TTC17: variants seen among roughly 807,000 people sequenced by gnomAD.
The protein encoded by TTC17 is tetratricopeptide repeat domain 17.
TTC17 carries 58 observed loss-of-function variants against 143.8 expected under a neutral mutation model. The ratio of observed to expected loss-of-function variants is 0.40; its 90% CI spans 0.33 to 0.50. The LOEUF is 0.50. Ranked by LOEUF, TTC17 falls within the 20% of genes least tolerant of loss-of-function variation. The pLI, the probability that TTC17 is intolerant of heterozygous loss-of-function variation, is 0.49. For missense variants in TTC17, 1,273 were observed against 1,392.5 expected, an observed-to-expected ratio of 0.91 and a Z score of 1.37; for synonymous variants, 501 against 497.8, an observed-to-expected ratio of 1.01 and a Z score of -0.09.
chr11:43,385,614 C>T (rs2134504577), intron 2 of TTC17: 1 of 151,008 alleles, frequency 6.6e-6, no homozygotes, highest in East Asian at 2.0e-4. Context: ...CAGTAACTCA[C>T]ATTTGTAATC....
intron 1 of TTC17, among the ~76,000 whole-genome samples, chr11:43,367,449 T>C (rs1014811054): frequency 2.6e-5 from 4 of 151,464 alleles, no homozygotes; most frequent in African/African-American, 9.7e-5. Flanking sequence ...AACAGAGGCG[T>C]GGTAGATGAG....
intron 16 of TTC17, among the ~76,000 whole-genome samples, chr11:43,417,346 T>C (rs1444727851): frequency 3.9e-5 from 6 of 152,200 alleles, no homozygotes; most frequent in African/African-American, 1.2e-4. Flanking sequence ...TTTAGTGAAA[T>C]CAGATGATTC....
At chr11:43,379,205 G>C in intron 1 of TTC17, 28 bp from the exon 2 acceptor site, 1 of 1,596,610 alleles carries the variant, frequency 6.3e-7, no homozygotes, top group Non-Finnish European at 8.6e-7. Flanking sequence ...TGAAATCCGA[G>C]CTTTATTTAT....
chr11:43,459,548 A>G (rs911695529), intron 21 of TTC17, among the ~76,000 whole-genome samples: 3 of 152,248 alleles, frequency 2.0e-5, no homozygotes, highest in Admixed American at 2.0e-4. Context: ...CACACCCACA[A>G]ATTTCTTCAA....
chr11:43,424,406 T>C (rs1001554836), intron 16 of TTC17, among the ~76,000 whole-genome samples: 1 of 151,914 alleles, frequency 6.6e-6, no homozygotes, highest in African/African-American at 2.4e-5. Flanking sequence ...GAATCATTCT[T>C]TAAAAAACAT....
At chr11:43,373,785 G>T (rs532192272) in intron 1 of TTC17, among the ~76,000 whole-genome samples, 1 of 152,188 alleles carries the variant, frequency 6.6e-6, no homozygotes, top group African/African-American at 2.4e-5. Flanking sequence ...TTACGGTAAC[G>T]TTAAGTCTTT....
At chr11:43,382,762 A>C (rs938709348) in intron 2 of TTC17, among the ~76,000 whole-genome samples, 1 of 152,220 alleles carries the variant, frequency 6.6e-6, no homozygotes, top group Non-Finnish European at 1.5e-5. Context: ...CCTGCTGTCA[A>C]TATTCAGGAA....
chr11:43,409,073 C>A (rs911537312), intron 15 of TTC17, among the ~76,000 whole-genome samples: 12 of 152,244 alleles, frequency 7.9e-5, no homozygotes, highest in Admixed American at 7.9e-4. Flanking sequence ...GCACCCTCTT[C>A]CCAACTTTTG....
Position 43,401,988 on chromosome 11 carries a change from TAAA to T in TTC17, c.1332+431_1332+433del, listed in dbSNP as rs1857879215. On this transcript the variant is annotated intron_variant, in intron 10 of 23. Coordinates refer to ENST00000039989, the MANE Select transcript of TTC17 (RefSeq NM_018259.6). ...GCAAGACTGTGTCTCAAAAAATAAA[TAAA>T]TAAATAAATAAATAAATAAATAAAT... Among the ~76,000 whole-genome samples the T allele has an allele frequency of 3.8e-5, 3 of 78,574 alleles. No individual in the cohort carries two copies. In the South Asian group the frequency reaches 9.5e-4, roughly 25 times the overall value. 51.5% of individuals were successfully genotyped at this position (78,574 alleles called of 152,430 possible).
At chr11:43,404,388 TTTATCCTC>T (rs1443706642) in intron 11 of TTC17, among the ~76,000 whole-genome samples, 1 of 152,220 alleles carries the variant, frequency 6.6e-6, no homozygotes, top group African/African-American at 2.4e-5. Context: ...AGTTCAAAGC[TTTATCCTC>T]TGAGTATTAT....
At chr11:43,383,167 G>C (rs1274899005) in intron 2 of TTC17, among the ~76,000 whole-genome samples, 1 of 151,990 alleles carries the variant, frequency 6.6e-6, no homozygotes, top group African/African-American at 2.4e-5. Context: ...AAAGGGCTGG[G>C]ATTATAGGCA....
At chr11:43,414,531 T>G in intron 15 of TTC17, 59 bp from the exon 16 acceptor site, 1 of 1,546,148 alleles carries the variant, frequency 6.5e-7, no homozygotes, top group Non-Finnish European at 8.7e-7. Flanking sequence ...TGTAAACGTT[T>G]TGTAACTCCC....
At chr11:43,456,001 A>G (rs1947755044) in intron 21 of TTC17, among the ~76,000 whole-genome samples, 1 of 152,176 alleles carries the variant, frequency 6.6e-6, no homozygotes. Flanking sequence ...ATACATCATG[A>G]CTAAAAGGCT....
At position 43,395,766 on chromosome 11, in the gene TTC17, ACT is replaced by A. The variant is rs992428758; in HGVS notation, c.664-940_664-939del. On this transcript the variant is annotated intron_variant, in intron 5 of 23. Coordinates refer to ENST00000039989, the MANE Select transcript of TTC17 (RefSeq NM_018259.6). ...AACTATTTTTAACTACATTAAAATA[ACT>A]CTTTTAAAAATAATTGGTCCTTGTG... Among the ~76,000 whole-genome samples, 4 of 152,202 alleles carry A rather than the reference ACT, an allele frequency of 2.6e-5. No homozygotes were observed. The East Asian group carries it at 5.8e-4, about 22-fold the overall frequency.
intron 15 of TTC17, among the ~76,000 whole-genome samples, chr11:43,407,790 G>GT (rs200135125): frequency 0.015 from 2,118 of 143,470 alleles, 25 homozygotes; most frequent in African/African-American, 0.038. Flanking sequence ...ACACAGTTAA[G>GT]TTTTTTTTTT....
At chr11:43,361,386 C>T (rs1337722541) in intron 1 of TTC17, among the ~76,000 whole-genome samples, 2 of 152,176 alleles carry the variant, frequency 1.3e-5, no homozygotes, top group Non-Finnish European at 2.9e-5. Flanking sequence ...CTGATAAACT[C>T]ATTGTAAGTC....
intron 1 of TTC17, among the ~76,000 whole-genome samples, chr11:43,369,190 A>T (rs1033157502): frequency 6.6e-6 from 1 of 152,224 alleles, no homozygotes; most frequent in Non-Finnish European, 1.5e-5. Flanking sequence ...GAATTAGAAA[A>T]TGTGGACTGG....
At chr11:43,481,351 G>A (rs908690485) in intron 21 of TTC17, among the ~76,000 whole-genome samples, 1 of 152,032 alleles carries the variant, frequency 6.6e-6, no homozygotes, top group African/African-American at 2.4e-5. Flanking sequence ...ATTGGTCTGT[G>A]GTTTTTTTTA....
chr11:43,439,142 T>C (rs796634339), intron 16 of TTC17, among the ~76,000 whole-genome samples: 4 of 152,366 alleles, frequency 2.6e-5, no homozygotes, highest in African/African-American at 7.2e-5. Context: ...GAATAACTTA[T>C]GTTATGGCAT....
Sources: allele counts gnomAD v4.1 joint callset (sites outside exome capture counted in the v4.1 genomes callset), GRCh38; gene constraint gnomAD v4.1.1; transcripts MANE v1.5; gene names NCBI Gene and HGNC (gene_info 2026-07-23, HGNC 2026-07-21).